The following SMG9 variants were observed in gnomAD, a reference collection of about 807,000 sequenced individuals.
The protein encoded by SMG9 is SMG9 nonsense mediated mRNA decay factor.
In SMG9, 55 loss-of-function variants were observed where a neutral mutation model predicts 64.0. The observed-to-expected ratio is 0.86, with a 90% CI of 0.69 to 1.08. The LOEUF (loss-of-function observed/expected upper bound fraction) is 1.08. SMG9 is among the 50% of genes least tolerant of loss of function. The probability of loss-of-function intolerance (pLI) is 0.00; values close to 1 mark genes in which losing one functional copy is unlikely to be tolerated. For synonymous variants in SMG9, 244 were observed against 254.8 expected (o/e 0.96, Z 0.41); for missense variants, 554 against 681.3 (o/e 0.81, Z 2.08).
intron 7 of SMG9, chr19:43,739,906 T>G (rs112344274): frequency 2.0e-5 from 12 of 591,192 alleles, no homozygotes; most frequent in African/African-American, 1.5e-4. Flanking sequence ...GGCTACTGTG[T>G]AGAAGGCGAA....
intron 11 of SMG9, 31 bp downstream of exon 11, chr19:43,733,595 C>CT (rs1462851333): frequency 3.1e-6 from 5 of 1,611,708 alleles, no homozygotes; most frequent in Non-Finnish European, 4.2e-6. Context: ...AGGAGGCTGA[C>CT]TAGCTTGGGG....
At position 43,733,418 on chromosome 19, in the gene SMG9, CG is replaced by C. The variant is rs1568594941; in HGVS notation, c.1244del (p.Pro415ArgfsTer56). The C allele has an allele frequency of 1.1e-5, 18 of 1,613,842 alleles. No individual in the cohort carries two copies. Among genetic ancestry groups the C allele is most frequent in the Non-Finnish European group, 1.4e-5 (17 of 1,180,026 alleles). ...TLSMLQCNVF[P>X]GLPPDFLDSE... ...AGTCCAGGAAGTCAGGTGGAAGCCCCGGGAAGACATTGCATTGTAACATGGA... is the reference window on the plus strand; with the variant it reads ...AGTCCAGGAAGTCAGGTGGAAGCCCCGGAAGACATTGCATTGTAACATGGA... On this transcript the variant is annotated frameshift_variant, in exon 12 of 14. Transcript: ENST00000270066. LOFTEE classifies it high-confidence loss of function.
At chr19:43,747,584 T>TGTGAGGAGACGCC in intron 4 of SMG9, 45 bp from the exon 5 acceptor site, 1 of 1,614,116 alleles carries the variant, frequency 6.2e-7, no homozygotes, top group Non-Finnish European at 8.5e-7. Context: ...AGTGAGGATC[T>TGTGAGGAGACGCC]GTGAGGAGAC....
chr19:43,741,187 T>A (rs941994306), intron 6 of SMG9, among the ~76,000 whole-genome samples: 8 of 152,186 alleles, frequency 5.3e-5, no homozygotes, highest in African/African-American at 1.9e-4. Context: ...AGAAGAGGCG[T>A]GCAGTGCTCC....
At chr19:43,744,505 C>T (rs1431874506) in intron 6 of SMG9, among the ~76,000 whole-genome samples, 1 of 152,126 alleles carries the variant, frequency 6.6e-6, no homozygotes, top group East Asian at 1.9e-4. Flanking sequence ...ACTACATCAT[C>T]CCACTTCTTG....
intron 8 of SMG9, 153 bp from the exon 9 acceptor site, chr19:43,737,835 A>G: frequency 1.4e-6 from 1 of 714,074 alleles, no homozygotes; most frequent in Non-Finnish European, 2.4e-6. Flanking sequence ...CTTCCCTTAC[A>G]GGCCATCCCT....
At chr19:43,734,554 T>C (rs1968596801) in intron 9 of SMG9, 59 bp from the exon 10 acceptor site, 3 of 1,176,082 alleles carry the variant, frequency 2.6e-6, no homozygotes, top group Admixed American at 2.0e-5. Flanking sequence ...TCCCACAGCC[T>C]GGGACAGGGG....
rs1969054612 is a variant in SMG9, at chr19:43,747,542, G to A, written c.491-3C>T. The A allele has an allele frequency of 3.1e-6, 5 of 1,614,054 alleles. No homozygotes were observed. The highest frequency in any genetic ancestry group is 1.1e-5 in the South Asian group (1 of 91,092). On this transcript the variant is annotated splice_polypyrimidine_tract_variant and splice_region_variant and intron_variant, in intron 4 of 13. Coordinates refer to ENST00000270066, the MANE Select transcript of SMG9 (RefSeq NM_019108.4). Reference sequence around the variant, plus strand: ...TAGTTTGGCCTGACCCACGACAGCTGGAGATTGGAGAAAGCAGGAGACAGA... The same window carrying A: ...TAGTTTGGCCTGACCCACGACAGCTAGAGATTGGAGAAAGCAGGAGACAGA...
At chr19:43,739,411 G>T (rs1188019814) in intron 7 of SMG9, among the ~76,000 whole-genome samples, 2 of 152,160 alleles carry the variant, frequency 1.3e-5, no homozygotes, top group African/African-American at 4.8e-5. Context: ...AACTTGACAA[G>T]GTCACACAAT....
At chr19:43,734,028 G>A (rs559034835) in intron 10 of SMG9, 7 of 540,702 alleles carry the variant, frequency 1.3e-5, no homozygotes, top group South Asian at 4.7e-5. Flanking sequence ...GCAAAGGAAC[G>A]GCATGTGCAA....
rs189423967 is a variant in SMG9, at chr19:43,731,709, G to A, written c.1485-35C>T. On this transcript the variant is annotated intron_variant, in intron 13 of 13. Transcript: ENST00000270066. ...GGCCAACAGTCAGGGCTGCCTGGCC[G>A]GGGCTCCCCCCAGCCCAGCACCAAC... The A allele has an allele frequency of 9.2e-5, 149 of 1,613,854 alleles. 1 individual carries two copies. The African/African-American group carries it at 1.3e-3, about 14-fold the overall frequency.
chr19:43,748,657 C>T (rs1358647266), intron 2 of SMG9: 3 of 520,016 alleles, frequency 5.8e-6, no homozygotes, highest in Admixed American at 3.9e-5. Flanking sequence ...AAGCCTTGAC[C>T]TCTTCATGCC....
At chr19:43,731,762 C>T in intron 13 of SMG9, 88 bp from the exon 14 acceptor site, 1 of 1,485,502 alleles carries the variant, frequency 6.7e-7, no homozygotes, top group Middle Eastern at 1.8e-4. Flanking sequence ...ACTGAGGCCC[C>T]TTTTATGACC....
intron 9 of SMG9, among the ~76,000 whole-genome samples, chr19:43,735,330 C>G (rs1968621195): frequency 6.6e-6 from 1 of 152,138 alleles, no homozygotes; most frequent in South Asian, 2.1e-4. Flanking sequence ...CTATAAACAT[C>G]TGTGTGGCCG....
chr19:43,748,071 G>A lies in SMG9; in HGVS notation c.151-19C>T. 1 of 1,596,554 alleles carries A rather than the reference G, an allele frequency of 6.3e-7. No individual in the cohort carries two copies. Among genetic ancestry groups the A allele is most frequent in the Non-Finnish European group, 8.5e-7 (1 of 1,171,204 alleles). ...TGGCATCCTGTGGTGAGGGAGGGCA[G>A]TTACTCATGAATGGCTCTCCTGGAC... On this transcript the variant is annotated intron_variant, in intron 2 of 13. Coordinates refer to ENST00000270066, the MANE Select transcript of SMG9 (RefSeq NM_019108.4).
rs1039051904 is a variant in SMG9, at chr19:43,728,058, G to A, written c.*3538C>T. On this transcript the variant is annotated 3_prime_UTR_variant, in exon 14 of 14. Coordinates refer to ENST00000270066, the MANE Select transcript of SMG9 (RefSeq NM_019108.4). Reference sequence around the variant, plus strand: ...TGCAAAATGCTATGTGCCCAATGCAGACCTGGCACCTGTGGATGATGGTGG... The same window carrying A: ...TGCAAAATGCTATGTGCCCAATGCAAACCTGGCACCTGTGGATGATGGTGG... The A allele has an allele frequency of 3.9e-5, 6 of 152,198 alleles. No homozygotes were observed. Among genetic ancestry groups the A allele is most frequent in the African/African-American group, 1.4e-4 (6 of 41,426 alleles). The allele number at this position is 152,198 out of a possible 1,614,324, so 9.4% of individuals were successfully genotyped here. A position where few individuals can be genotyped will look rare whatever the true frequency, so the allele number is the denominator to read the frequency against.
rs1230932882 is a variant in SMG9 at position 43,730,423 on chromosome 19, G to C, written c.*1173C>G. 6.6e-6 allele frequency: 1 copy of C among 152,264 alleles called. No individual in the cohort carries two copies. Among genetic ancestry groups the C allele is most frequent in the Non-Finnish European group, 1.5e-5 (1 of 68,084 alleles). The allele number at this position is 152,264 out of a possible 1,614,324, so 9.4% of individuals were successfully genotyped here. The stretch of plus-strand genomic sequence containing the variant: ...TGAGGGTTGCCATTTCTAAGCAAGA[G>C]TAGATGAGGTTTACGAGAGGAAAGC... On this transcript the variant is annotated 3_prime_UTR_variant, in exon 14 of 14. Transcript: ENST00000270066.
chr19:43,732,045 A>G (rs768793773), intron 13 of SMG9, among the ~76,000 whole-genome samples: 1 of 152,054 alleles, frequency 6.6e-6, no homozygotes, highest in Non-Finnish European at 1.5e-5. Context: ...ACAACCCACA[A>G]TCTTCTCCCT....
chr19:43,740,246 T>A, intron 6 of SMG9, 28 bp from the exon 7 acceptor site: 2 of 1,508,876 alleles, frequency 1.3e-6, no homozygotes, highest in Non-Finnish European at 1.8e-6. Context: ...CAGGGGTGTG[T>A]GAGAGCTCTG....
Sources: gnomAD v4.1 joint callset for allele counts (sites outside exome capture counted in the v4.1 genomes callset) on GRCh38, gnomAD v4.1.1 for gene constraint, MANE v1.5 for transcripts, NCBI Gene and HGNC (gene_info 2026-07-23, HGNC 2026-07-21) for gene names.